Variants in SHANK2 observed in about 807,000 individuals in gnomAD.
SHANK2 encodes SH3 and multiple ankyrin repeat domains 2, also known as SH3 and multiple ankyrin repeat domains protein 2.
In SHANK2, 43 loss-of-function variants were observed where a neutral mutation model predicts 133.7. That is an observed-to-expected ratio of 0.32 (90% CI 0.25 to 0.41). SHANK2 has a LOEUF of 0.41. SHANK2 is among the 10% of genes least tolerant of loss of function. SHANK2 has a pLI of 1.00. For synonymous variants in SHANK2, 1,017 were observed against 952.8 expected, an observed-to-expected ratio of 1.07 and a Z score of -1.24; for missense variants, 1,994 against 2,235.8, an observed-to-expected ratio of 0.89 and a Z score of 2.18.
intron 11 of SHANK2, among the ~76,000 whole-genome samples, chr11:70,838,001 A>G (rs1565352168): frequency 1.4e-5 from 2 of 147,026 alleles, no homozygotes; most frequent in African/African-American, 2.5e-5. Context: ...AAAAAAAAAA[A>G]GAAAAAAAAA....
At chr11:70,499,758 G>A (rs1237810599) in intron 21 of SHANK2, among the ~76,000 whole-genome samples, 9 of 152,188 alleles carry the variant, frequency 5.9e-5, no homozygotes, top group African/African-American at 1.4e-4. Flanking sequence ...GTGCAAGCCC[G>A]GGGCTGCTGC....
rs1555014932 is a variant in SHANK2 at position 70,666,852 on chromosome 11, C to T, written c.1854-5174G>A. Among the ~76,000 whole-genome samples, 3 of 152,086 alleles carry T rather than the reference C, an allele frequency of 2.0e-5. 1 individual carries two copies. The highest frequency in any genetic ancestry group is 4.1e-4 in the South Asian group (2 of 4,828). Reference sequence around the variant, plus strand: ...ATCTCCATGCAACACAACATTGACCCGTGCTTATTGATTGAACAAAAAATG... The same window carrying T: ...ATCTCCATGCAACACAACATTGACCTGTGCTTATTGATTGAACAAAAAATG... On this transcript the variant is annotated intron_variant, in intron 15 of 25. Transcript: ENST00000601538.
chr11:70,605,637 G>A (rs1257182640), intron 17 of SHANK2, among the ~76,000 whole-genome samples: 1 of 152,238 alleles, frequency 6.6e-6, no homozygotes, highest in Non-Finnish European at 1.5e-5. Flanking sequence ...CGGGGAGCAT[G>A]TCCATATCGA....
intron 17 of SHANK2, among the ~76,000 whole-genome samples, chr11:70,588,610 A>C (rs2060283051): frequency 6.6e-6 from 1 of 152,232 alleles, no homozygotes; most frequent in Non-Finnish European, 1.5e-5. Context: ...AATTCTATGA[A>C]GACTGAAGAG....
At chr11:71,213,979 C>A (rs1350038318) in intron 2 of SHANK2, among the ~76,000 whole-genome samples, 1 of 152,140 alleles carries the variant, frequency 6.6e-6, no homozygotes, top group African/African-American at 2.4e-5. Flanking sequence ...CCTGTTCACC[C>A]AGCCAATATG....
chr11:71,114,199 G>T (rs1440712969), intron 4 of SHANK2, among the ~76,000 whole-genome samples: 2 of 152,122 alleles, frequency 1.3e-5, no homozygotes, highest in Admixed American at 6.6e-5. Context: ...GGGGATAATA[G>T]CACCCACCTC....
At chr11:70,890,505 A>AC (rs1418923683) in intron 11 of SHANK2, among the ~76,000 whole-genome samples, 22 of 150,260 alleles carry the variant, frequency 1.5e-4, no homozygotes, top group South Asian at 8.5e-4. Context: ...AACAAAAAAA[A>AC]CAAAAAAACA....
chr11:70,470,724 G>A lies in SHANK2; in HGVS notation c.*2145C>T, dbSNP rs1311643041. The A allele has an allele frequency of 1.3e-5, 2 of 152,236 alleles. No individual in the cohort carries two copies. Among genetic ancestry groups the A allele is most frequent in the Non-Finnish European group, 2.9e-5 (2 of 68,032 alleles). 9.4% of individuals were successfully genotyped at this position (152,236 alleles called of 1,614,324 possible). A position where few individuals can be genotyped will look rare whatever the true frequency, so the allele number is the denominator to read the frequency against. ...AACTGAAAGCACACGGAAGTAAAGC[G>A]CCTTAATATTCAATTGACTTCAAGT... On this transcript the variant is annotated 3_prime_UTR_variant, in exon 26 of 26. Transcript: ENST00000601538.
At chr11:70,883,068 G>A (rs1283188598) in intron 11 of SHANK2, among the ~76,000 whole-genome samples, 2 of 152,092 alleles carry the variant, frequency 1.3e-5, no homozygotes, top group South Asian at 2.1e-4. Flanking sequence ...CAGGGCTGTC[G>A]GTTCCAGCCC....
intron 17 of SHANK2, among the ~76,000 whole-genome samples, chr11:70,602,705 G>A (rs2060517166): frequency 6.6e-6 from 1 of 152,180 alleles, no homozygotes; most frequent in African/African-American, 2.4e-5. Context: ...CAGTGTGCTT[G>A]ATTACATGAC....
intron 11 of SHANK2, among the ~76,000 whole-genome samples, chr11:70,883,980 C>T (rs117289264): frequency 0.021 from 3,147 of 152,264 alleles, 76 homozygotes; most frequent in Non-Finnish European, 0.027. Flanking sequence ...GGCCAGAGTC[C>T]TCGGTCTCAG....
At chr11:71,110,122 C>T (rs1037443574) in intron 5 of SHANK2, 73 bp from the exon 6 acceptor site, 27 of 1,134,536 alleles carry the variant, frequency 2.4e-5, no homozygotes, top group South Asian at 4.0e-5. Context: ...AGTGAGACCC[C>T]GTCTCTACAA....
intron 10 of SHANK2, among the ~76,000 whole-genome samples, chr11:70,945,381 C>T (rs868911527): frequency 2.9e-4 from 44 of 152,264 alleles, no homozygotes; most frequent in Admixed American, 2.0e-3. Flanking sequence ...CAGCAAGGCC[C>T]CCACCAGCCT....
intron 15 of SHANK2, among the ~76,000 whole-genome samples, chr11:70,682,964 C>A (rs1454167094): frequency 6.6e-6 from 1 of 151,952 alleles, no homozygotes; most frequent in Non-Finnish European, 1.5e-5. Flanking sequence ...AAGTCTAAGG[C>A]AGATTGGCTG....
chr11:71,143,343 A>C (rs1555106118), intron 3 of SHANK2, among the ~76,000 whole-genome samples: 2 of 152,226 alleles, frequency 1.3e-5, no homozygotes, highest in Non-Finnish European at 2.9e-5. Context: ...CTATTCATGA[A>C]TTTTGTATTG....
At chr11:70,561,172 G>A (rs1045264172) in intron 17 of SHANK2, among the ~76,000 whole-genome samples, 1 of 151,848 alleles carries the variant, frequency 6.6e-6, no homozygotes, top group South Asian at 2.1e-4. Flanking sequence ...CTATTTTTTT[G>A]AGACATGGTC....
At position 70,767,659 on chromosome 11, in the gene SHANK2, G is replaced by A. The variant is rs534071977; in HGVS notation, c.1777+30784C>T. On this transcript the variant is annotated intron_variant, in intron 14 of 25. Transcript: ENST00000601538. ...AGGAAATGCACAGGAAAGGGAATCT[G>A]CAGTGATGAGAAGTAGATTAGTGGC... 4.6e-5 allele frequency among the ~76,000 whole-genome samples: 7 copies of A among 152,234 alleles called. No individual in the cohort carries two copies. The South Asian group carries it at 1.0e-3, about 23-fold the overall frequency.
At chr11:71,179,628 T>C (rs372119771) in intron 2 of SHANK2, among the ~76,000 whole-genome samples, 2 of 152,192 alleles carry the variant, frequency 1.3e-5, no homozygotes, top group Non-Finnish European at 2.9e-5. Flanking sequence ...CAGAGTGAGA[T>C]GGAAGAAATA....
chr11:71,244,469 C>G (rs1326276577), intron 1 of SHANK2, among the ~76,000 whole-genome samples: 1 of 152,246 alleles, frequency 6.6e-6, no homozygotes, highest in Non-Finnish European at 1.5e-5. Context: ...CGTGCAGCCC[C>G]GGGAACCAGC....
Sources: allele counts gnomAD v4.1 joint callset (sites outside exome capture counted in the v4.1 genomes callset), GRCh38; gene constraint gnomAD v4.1.1; transcripts MANE v1.5; gene names NCBI Gene and HGNC (gene_info 2026-07-23, HGNC 2026-07-21).